Variants in KCNH7 observed in about 807,000 individuals in gnomAD.
KCNH7 encodes potassium voltage-gated channel subfamily H member 7.
A neutral mutation model predicts 120.8 loss-of-function variants in KCNH7; 49 were observed. That is an observed-to-expected ratio of 0.41 (90% CI 0.32 to 0.51). The LOEUF is 0.51. Among genes scored for constraint, KCNH7 ranks in the 20% least tolerant of loss-of-function variants. KCNH7 has a pLI of 0.38. For synonymous variants in KCNH7, 547 were observed against 516.1 expected (o/e 1.06, Z -0.81); for missense variants, 1,097 against 1,446.6 (o/e 0.76, Z 3.92).
chr2:162,587,180 A>ACCTG (rs550104059), intron 2 of KCNH7, among the ~76,000 whole-genome samples: 176 of 152,240 alleles, frequency 1.2e-3, no homozygotes, highest in African/African-American at 4.0e-3. Context: ...TTTATGAATG[A>ACCTG]CCTGCCAGTC....
At chr2:162,681,209 G>T (rs1457659367) in intron 2 of KCNH7, among the ~76,000 whole-genome samples, 4 of 151,732 alleles carry the variant, frequency 2.6e-5, no homozygotes, top group African/African-American at 9.7e-5. Context: ...GTAATGGACT[G>T]TAGAGAGCTG....
intron 2 of KCNH7, among the ~76,000 whole-genome samples, chr2:162,708,728 T>C (rs1245498928): frequency 2.0e-5 from 3 of 152,188 alleles, no homozygotes; most frequent in African/African-American, 7.2e-5. Flanking sequence ...ATGACAAATA[T>C]ATAATGTGCA....
At chr2:162,479,165 T>G (rs112453655) in intron 6 of KCNH7, among the ~76,000 whole-genome samples, 1 of 150,370 alleles carries the variant, frequency 6.7e-6, no homozygotes, top group African/African-American at 2.4e-5. Flanking sequence ...AAAAAGAATG[T>G]GAAAGTCTTT....
At chr2:162,781,649 A>C (rs1450603637) in intron 2 of KCNH7, among the ~76,000 whole-genome samples, 1 of 152,054 alleles carries the variant, frequency 6.6e-6, no homozygotes, top group Non-Finnish European at 1.5e-5. Flanking sequence ...TACTTTTTTG[A>C]GCATGGGGTC....
chr2:162,802,755 A>G (rs1448770979), intron 2 of KCNH7, among the ~76,000 whole-genome samples: 1 of 151,846 alleles, frequency 6.6e-6, no homozygotes, highest in African/African-American at 2.4e-5. Flanking sequence ...AATCTTTAAA[A>G]TGCAATGTCC....
intron 2 of KCNH7, among the ~76,000 whole-genome samples, chr2:162,553,840 C>T (rs1692767971): frequency 1.3e-5 from 2 of 152,098 alleles, no homozygotes; most frequent in South Asian, 4.1e-4. Flanking sequence ...ACATGAGCAA[C>T]TAAAATGGTC....
intron 2 of KCNH7, among the ~76,000 whole-genome samples, chr2:162,622,533 G>A (rs564632661): frequency 6.6e-6 from 1 of 152,242 alleles, no homozygotes; most frequent in East Asian, 1.9e-4. Context: ...ACATGCCAAA[G>A]GATACTTGGC....
intron 2 of KCNH7, among the ~76,000 whole-genome samples, chr2:162,790,745 TAATA>T (rs1334202122): frequency 6.6e-6 from 1 of 152,034 alleles, no homozygotes; most frequent in Non-Finnish European, 1.5e-5. Flanking sequence ...ATGATCATCT[TAATA>T]TATGCATAAA....
chr2:162,562,933 C>G (rs1254783757), intron 2 of KCNH7, among the ~76,000 whole-genome samples: 4 of 152,140 alleles, frequency 2.6e-5, no homozygotes. Flanking sequence ...AATGCTTGCT[C>G]TGATGGAGAA....
At chr2:162,405,308 T>C (rs949394656) in intron 9 of KCNH7, among the ~76,000 whole-genome samples, 7 of 152,006 alleles carry the variant, frequency 4.6e-5, no homozygotes, top group Non-Finnish European at 1.0e-4. Flanking sequence ...CTGTGATTGT[T>C]AAATCAATCC....
chr2:162,770,519 A>G (rs893877125), intron 2 of KCNH7, among the ~76,000 whole-genome samples: 4 of 152,060 alleles, frequency 2.6e-5, no homozygotes, highest in African/African-American at 9.6e-5. Context: ...CTCTTTGAGC[A>G]TCCGTTTCAT....
At chr2:162,542,509 T>C (rs1269672960) in intron 2 of KCNH7, among the ~76,000 whole-genome samples, 1 of 150,788 alleles carries the variant, frequency 6.6e-6, no homozygotes, top group Non-Finnish European at 1.5e-5. Context: ...CGTTTGGCTT[T>C]TTGTCCTTGC....
intron 2 of KCNH7, among the ~76,000 whole-genome samples, chr2:162,620,452 A>G (rs1001906021): frequency 6.6e-6 from 1 of 151,986 alleles, no homozygotes; most frequent in Non-Finnish European, 1.5e-5. Context: ...GCATTGGAGC[A>G]TGTCATAACT....
At chr2:162,672,828 T>C (rs927271260) in intron 2 of KCNH7, among the ~76,000 whole-genome samples, 4 of 151,976 alleles carry the variant, frequency 2.6e-5, no homozygotes, top group African/African-American at 9.7e-5. Flanking sequence ...AATTCTAGTA[T>C]TTCAAGAATA....
In KCNH7 at chr2:162,836,825, C is replaced by T. The variant is rs1685682915; in HGVS notation, c.77-58G>A. 7 of 1,228,088 alleles carry T rather than the reference C, an allele frequency of 5.7e-6. No individual in the cohort carries two copies. The East Asian group carries it at 1.5e-4, about 26-fold the overall frequency. 76.1% of individuals were successfully genotyped at this position (1,228,088 alleles called of 1,614,324 possible). Reference sequence around the variant, plus strand: ...AAAGCTTCCACAATATTCTCCGTAACACTGAAGCAATTTGTTGCATAATAA... The same window carrying T: ...AAAGCTTCCACAATATTCTCCGTAATACTGAAGCAATTTGTTGCATAATAA... On this transcript the variant is annotated intron_variant, in intron 1 of 15. Transcript: ENST00000332142.
intron 2 of KCNH7, among the ~76,000 whole-genome samples, chr2:162,613,943 C>G (rs1201836554): frequency 6.9e-6 from 1 of 145,640 alleles, no homozygotes; most frequent in Non-Finnish European, 1.5e-5. Flanking sequence ...AATCCTTCCC[C>G]AAAGAGAAAG....
intron 11 of KCNH7, 83 bp downstream of exon 11, chr2:162,396,657 T>A (rs1336198412): frequency 9.9e-7 from 1 of 1,014,874 alleles, no homozygotes; most frequent in African/African-American, 1.6e-5. Context: ...AATATTTTGC[T>A]TGATTTTTCA....
intron 1 of KCNH7, among the ~76,000 whole-genome samples, chr2:162,837,895 C>G (rs903772562): frequency 2.6e-5 from 4 of 152,156 alleles, no homozygotes; most frequent in Non-Finnish European, 5.9e-5. Flanking sequence ...TACTGCTTTT[C>G]CAAATTACCC....
At chr2:162,519,930 T>C (rs1691460019) in intron 3 of KCNH7, among the ~76,000 whole-genome samples, 1 of 151,800 alleles carries the variant, frequency 6.6e-6, no homozygotes, top group Non-Finnish European at 1.5e-5. Context: ...TGAACATTTC[T>C]CCATTTTGAG....
Sources: allele counts gnomAD v4.1 joint callset (sites outside exome capture counted in the v4.1 genomes callset), GRCh38; gene constraint gnomAD v4.1.1; transcripts MANE v1.5; gene names NCBI Gene and HGNC (gene_info 2026-07-23, HGNC 2026-07-21).